PDE4D: variants seen among roughly 807,000 people sequenced by gnomAD.
PDE4D encodes the protein 3',5'-cyclic-AMP phosphodiesterase 4D.
A neutral mutation model predicts 87.4 loss-of-function variants in PDE4D; 24 were observed. The observed-to-expected ratio is 0.27, with a 90% CI of 0.20 to 0.39. PDE4D has a LOEUF of 0.39. Ranked by LOEUF, PDE4D falls within the 10% of genes least tolerant of loss-of-function variation. PDE4D has a pLI of 1.00. For synonymous variants in PDE4D, 384 were observed against 383.2 expected (o/e 1.00, Z -0.02); for missense variants, 714 against 1,041.0 (o/e 0.69, Z 4.32).
At chr5:60,322,389 C>T (rs1033277521) in intron 1 of PDE4D, among the ~76,000 whole-genome samples, 19 of 150,398 alleles carry the variant, frequency 1.3e-4, no homozygotes, top group Non-Finnish European at 2.1e-4. Flanking sequence ...CACACACACA[C>T]ACACACACAC....
chr5:59,689,319 TAATAA>T (rs892006349), intron 1 of PDE4D, among the ~76,000 whole-genome samples: 16 of 152,068 alleles, frequency 1.1e-4, no homozygotes, highest in Non-Finnish European at 2.4e-4. Flanking sequence ...CAAATATCCT[TAATAA>T]AATACTGGCA....
intron 1 of PDE4D, among the ~76,000 whole-genome samples, chr5:59,752,745 T>C (rs1400032841): frequency 6.6e-6 from 1 of 152,206 alleles, no homozygotes; most frequent in Non-Finnish European, 1.5e-5. Flanking sequence ...AGCATCATTC[T>C]GGCCCAGTCA....
chr5:59,871,065 C>T (rs1441422650), intron 1 of PDE4D, among the ~76,000 whole-genome samples: 1 of 152,174 alleles, frequency 6.6e-6, no homozygotes, highest in African/African-American at 2.4e-5. Flanking sequence ...TACACTATCT[C>T]CTCCCAGATG....
At chr5:59,164,472 TTAA>T (rs1781596997) in intron 5 of PDE4D, among the ~76,000 whole-genome samples, 1 of 152,208 alleles carries the variant, frequency 6.6e-6, no homozygotes, top group Admixed American at 6.5e-5. Context: ...TAATTCTTAC[TTAA>T]TGCTCTGAGA....
intron 1 of PDE4D, chr5:60,335,041 C>A (rs1199407008): frequency 2.0e-5 from 3 of 152,194 alleles, no homozygotes; most frequent in Non-Finnish European, 4.4e-5. Context: ...AAGAGACAGC[C>A]ACCTGTATGC....
At chr5:59,735,377 A>C (rs2150632041) in intron 1 of PDE4D, among the ~76,000 whole-genome samples, 1 of 152,290 alleles carries the variant, frequency 6.6e-6, no homozygotes, top group Non-Finnish European at 1.5e-5. Context: ...TTTGAGTTCT[A>C]AATTATTCAC....
At chr5:59,021,777 A>G (rs1580345236) in intron 6 of PDE4D, among the ~76,000 whole-genome samples, 1 of 152,204 alleles carries the variant, frequency 6.6e-6, no homozygotes, top group African/African-American at 2.4e-5. Context: ...GAATCAAGAT[A>G]AAGGTTCACA....
intron 1 of PDE4D, among the ~76,000 whole-genome samples, chr5:60,211,349 A>G (rs1743193496): frequency 6.6e-6 from 1 of 151,936 alleles, no homozygotes; most frequent in Non-Finnish European, 1.5e-5. Flanking sequence ...GCTAATGTAC[A>G]GAGCAACCCT....
At chr5:59,049,618 G>A (rs572564283) in intron 5 of PDE4D, among the ~76,000 whole-genome samples, 30 of 152,256 alleles carry the variant, frequency 2.0e-4, no homozygotes, top group African/African-American at 7.2e-4. Flanking sequence ...TGATGTTTGG[G>A]AGAAACAGAT....
intron 3 of PDE4D, among the ~76,000 whole-genome samples, chr5:59,925,494 A>G (rs1755156882): frequency 6.6e-6 from 1 of 152,152 alleles, no homozygotes; most frequent in Admixed American, 6.5e-5. Context: ...AAACAACAAA[A>G]TGGCAGAGTA....
chr5:59,743,895 T>C (rs1447761103), intron 1 of PDE4D, among the ~76,000 whole-genome samples: 1 of 151,974 alleles, frequency 6.6e-6, no homozygotes, highest in Non-Finnish European at 1.5e-5. Context: ...TATGTAACAA[T>C]GAAGATCAGA....
chr5:59,936,005 A>G (rs1756531723), intron 3 of PDE4D, among the ~76,000 whole-genome samples: 1 of 152,188 alleles, frequency 6.6e-6, no homozygotes, highest in African/African-American at 2.4e-5. Context: ...TGGTATTTCT[A>G]GTTCTAGATC....
intron 2 of PDE4D, among the ~76,000 whole-genome samples, chr5:60,037,900 T>TA (rs2152865059): frequency 6.6e-6 from 1 of 152,292 alleles, no homozygotes; most frequent in East Asian, 1.9e-4. Flanking sequence ...ATCAAACTGA[T>TA]AAAAAATAAA....
chr5:60,354,746 T>A (rs531114423), intron 1 of PDE4D, among the ~76,000 whole-genome samples: 1 of 152,186 alleles, frequency 6.6e-6, no homozygotes. Context: ...TTTTTCAATG[T>A]AATTGGTCTC....
In PDE4D at chr5:59,357,106, G is replaced by A. The variant is rs116861873; in HGVS notation, c.456-141138C>T. ...ACTCAGGCCTTATCTCATAATTAACGTGAGAAACACTCCCTCGAAAATTTG... is the reference window on the plus strand; with the variant it reads ...ACTCAGGCCTTATCTCATAATTAACATGAGAAACACTCCCTCGAAAATTTG... On this transcript the variant is annotated intron_variant, in intron 1 of 14. Transcript: ENST00000340635. The A allele has an allele frequency of 4.1e-3, 1,516 of 367,336 alleles. 47 individuals are homozygous for A. The East Asian group carries it at 0.054, about 13-fold the overall frequency. The allele number at this position is 367,336 out of a possible 1,614,324, so 22.8% of individuals were successfully genotyped here.
chr5:59,125,293 G>C, intron 5 of PDE4D: 1 of 984,358 alleles, frequency 1.0e-6, no homozygotes. Context: ...AACTATTCCA[G>C]GTCCATGGTA....
At chr5:59,544,094 T>G (rs572241382) in intron 1 of PDE4D, among the ~76,000 whole-genome samples, 1 of 152,130 alleles carries the variant, frequency 6.6e-6, no homozygotes, top group African/African-American at 2.4e-5. Context: ...AACTGGGGCA[T>G]GCAGACCATA....
chr5:59,672,846 C>T lies in PDE4D; in HGVS notation c.455+220322G>A, dbSNP rs77933436. The stretch of plus-strand genomic sequence containing the variant: ...GATGTCTTACCATCCCAAACTGTAA[C>T]CATTGAACATACACATTTATTGACA... On this transcript the variant is annotated intron_variant, in intron 1 of 14. Transcript: ENST00000340635. 6.9e-3 allele frequency among the ~76,000 whole-genome samples: 1,058 copies of T among 152,236 alleles called. 9 individuals are homozygous for T. Among genetic ancestry groups the T allele is most frequent in the Non-Finnish European group, 0.01 (709 of 68,012 alleles).
intron 5 of PDE4D, among the ~76,000 whole-genome samples, chr5:59,173,760 A>G (rs1005124412): frequency 3.3e-5 from 5 of 152,186 alleles, no homozygotes; most frequent in African/African-American, 4.8e-5. Context: ...GTTGATGAGG[A>G]AGTAGGGCTT....
Sources: gnomAD v4.1 joint callset for allele counts (sites outside exome capture counted in the v4.1 genomes callset) on GRCh38, gnomAD v4.1.1 for gene constraint, MANE v1.5 for transcripts, NCBI Gene and HGNC (gene_info 2026-07-23, HGNC 2026-07-21) for gene names.